Variants in ROR2 observed in about 807,000 individuals in gnomAD.
ROR2 encodes the protein ROR family WNT receptor 2.
In ROR2, 33 loss-of-function variants were observed where a neutral mutation model predicts 74.9. The ratio of observed to expected loss-of-function variants is 0.44; its 90% confidence interval spans 0.33 to 0.59. ROR2 has a LOEUF of 0.59. Among genes scored for constraint, ROR2 ranks in the 20% least tolerant of loss-of-function variants. The pLI, the probability that ROR2 is intolerant of heterozygous loss-of-function variation, is 0.02. For missense variants in ROR2, 1,216 were observed against 1,313.8 expected, an observed-to-expected ratio of 0.93 and a Z score of 1.15; for synonymous variants, 586 against 558.7, an observed-to-expected ratio of 1.05 and a Z score of -0.69.
At chr9:91,935,077 T>A (rs943084321) in intron 1 of ROR2, among the ~76,000 whole-genome samples, 1 of 152,122 alleles carries the variant, frequency 6.6e-6, no homozygotes, top group African/African-American at 2.4e-5. Context: ...AAGCATCCAC[T>A]AGGATCCATC....
At chr9:91,900,653 C>T (rs1049755559) in intron 1 of ROR2, among the ~76,000 whole-genome samples, 1 of 152,172 alleles carries the variant, frequency 6.6e-6, no homozygotes, top group Non-Finnish European at 1.5e-5. Flanking sequence ...CGGGGCACGT[C>T]GGTTCCATGG....
At chr9:91,930,027 T>C in intron 1 of ROR2, among the ~76,000 whole-genome samples, 1 of 148,602 alleles carries the variant, frequency 6.7e-6, no homozygotes, top group African/African-American at 2.5e-5. Flanking sequence ...CTGCAAGCTT[T>C]AAAAAAAAAA....
chr9:91,779,057 G>A (rs1345413972), intron 1 of ROR2, among the ~76,000 whole-genome samples: 1 of 152,086 alleles, frequency 6.6e-6, no homozygotes, highest in Admixed American at 6.5e-5. Context: ...TCAGGACCCT[G>A]GAACAGAAAA....
intron 1 of ROR2, among the ~76,000 whole-genome samples, chr9:91,818,248 T>C (rs547037720): frequency 6.6e-6 from 1 of 152,326 alleles, no homozygotes; most frequent in South Asian, 2.1e-4. Context: ...AACTGCAAAT[T>C]AGTAACTTCT....
chr9:91,732,304 G>A (rs1837270670), intron 6 of ROR2, among the ~76,000 whole-genome samples: 1 of 152,184 alleles, frequency 6.6e-6, no homozygotes, highest in Non-Finnish European at 1.5e-5. Flanking sequence ...CTGCCATCCT[G>A]ACTGGCCATG....
intron 1 of ROR2, among the ~76,000 whole-genome samples, chr9:91,907,548 G>C (rs1830852413): frequency 1.3e-5 from 2 of 152,108 alleles, no homozygotes; most frequent in African/African-American, 2.4e-5. Context: ...TTTTAAAAGG[G>C]GGATCAAAAT....
intron 1 of ROR2, among the ~76,000 whole-genome samples, chr9:91,935,744 G>A (rs1047586665): frequency 2.0e-5 from 3 of 152,072 alleles, no homozygotes; most frequent in African/African-American, 4.8e-5. Flanking sequence ...GGGATGCCCC[G>A]CTGCAGAAAT....
Position 91,866,981 on chromosome 9 carries a change from T to A in ROR2, c.97+82886A>T, listed in dbSNP as rs188642765. On this transcript the variant is annotated intron_variant, in intron 1 of 8. Transcript: ENST00000375708. ...CTTGAAAACCACATAGAAAATAAAA[T>A]TTGTAAATTACTCTGATCAAAATAT... Among the ~76,000 whole-genome samples the A allele has an allele frequency of 8.5e-5, 13 of 152,274 alleles. 1 individual carries two copies. The East Asian group carries it at 2.5e-3, about 29-fold the overall frequency.
intron 1 of ROR2, among the ~76,000 whole-genome samples, chr9:91,814,451 G>C (rs1029156558): frequency 3.9e-5 from 6 of 152,066 alleles, no homozygotes; most frequent in African/African-American, 1.4e-4. Context: ...GGCTCCGGAG[G>C]GCCCTGGCAT....
intron 1 of ROR2, among the ~76,000 whole-genome samples, chr9:91,943,040 G>C (rs1286114026): frequency 6.6e-6 from 1 of 152,150 alleles, no homozygotes; most frequent in Admixed American, 6.5e-5. Context: ...TTTGTTCCTT[G>C]TATAATCCAT....
At position 91,731,148 on chromosome 9, in the gene ROR2, C is replaced by T. The variant is rs1307465912; in HGVS notation, c.945G>A (p.Gln315=). 1.2e-5 allele frequency: 20 copies of T among 1,614,112 alleles called. No homozygotes were observed. The highest frequency in any genetic ancestry group is 1.6e-5 in the Non-Finnish European group (19 of 1,180,032). ...IPAERLGRYH[Q]CYNGSGMDYR... ...AATCCATGCCTGAGCCGTTATAGCA[C>T]TGATGGTCTGAACAAGGAAAACACG... Residue 315 remains glutamine (Q), a synonymous_variant, in exon 7 of 9, where the codon CAG becomes CAA. Coordinates refer to ENST00000375708, the MANE Select transcript of ROR2 (RefSeq NM_004560.4).
intron 1 of ROR2, among the ~76,000 whole-genome samples, chr9:91,782,655 C>T (rs1826661986): frequency 6.6e-6 from 1 of 150,848 alleles, no homozygotes; most frequent in African/African-American, 2.4e-5. Context: ...CATTCAAAGC[C>T]GTCCTGGGCT....
chr9:91,761,405 G>C (rs1414247459), intron 2 of ROR2, among the ~76,000 whole-genome samples: 1 of 151,864 alleles, frequency 6.6e-6, no homozygotes, highest in Non-Finnish European at 1.5e-5. Context: ...TTGTTCTCCT[G>C]CAACTAGTAG....
chr9:91,949,423 A>G (rs1587870451), intron 1 of ROR2, among the ~76,000 whole-genome samples: 2 of 150,180 alleles, frequency 1.3e-5, no homozygotes, highest in East Asian at 4.0e-4. Context: ...GGGTGGGGGG[A>G]CGCTCCGAGA....
chr9:91,799,866 A>C (rs1827315051), intron 1 of ROR2, among the ~76,000 whole-genome samples: 1 of 152,066 alleles, frequency 6.6e-6, no homozygotes, highest in Non-Finnish European at 1.5e-5. Flanking sequence ...TTCTCAAGGA[A>C]CCCCCACACA....
At chr9:91,763,622 T>C (rs968360045) in intron 2 of ROR2, among the ~76,000 whole-genome samples, 2 of 152,254 alleles carry the variant, frequency 1.3e-5, no homozygotes, top group Non-Finnish European at 2.9e-5. Flanking sequence ...AACTGCCTGT[T>C]CATCTCTCTA....
intron 7 of ROR2, among the ~76,000 whole-genome samples, chr9:91,730,088 G>C (rs1837181496): frequency 1.3e-5 from 2 of 152,182 alleles, no homozygotes; most frequent in South Asian, 4.1e-4. Flanking sequence ...ACCCAAGTAG[G>C]TGTGCCACCA....
chr9:91,882,271 C>A lies in ROR2; in HGVS notation c.97+67596G>T, dbSNP rs977783422. On this transcript the variant is annotated intron_variant, in intron 1 of 8. Coordinates refer to ENST00000375708, the MANE Select transcript of ROR2 (RefSeq NM_004560.4). ...CTAAAAATACAAAAAATTACCCAGG[C>A]ATGGTGGCGGGTGCCTGTAATCCCA... Among the ~76,000 whole-genome samples the A allele has an allele frequency of 1.1e-4, 17 of 152,098 alleles. 1 individual carries two copies. The highest frequency in any genetic ancestry group is 8.3e-4 in the South Asian group (4 of 4,808).
At chr9:91,792,216 A>G (rs1827005812) in intron 1 of ROR2, among the ~76,000 whole-genome samples, 1 of 152,228 alleles carries the variant, frequency 6.6e-6, no homozygotes, top group Non-Finnish European at 1.5e-5. Context: ...AGCTAGCAGA[A>G]GGAAGGAAAT....
Sources: gnomAD v4.1 joint callset for allele counts (sites outside exome capture counted in the v4.1 genomes callset) on GRCh38, gnomAD v4.1.1 for gene constraint, MANE v1.5 for transcripts, NCBI Gene and HGNC (gene_info 2026-07-23, HGNC 2026-07-21) for gene names.